Variants in CCDC18 observed in about 807,000 individuals in gnomAD.
CCDC18 encodes the protein coiled-coil domain containing 18.
CCDC18 carries 157 observed loss-of-function variants against 196.0 expected under a neutral mutation model. The ratio of observed to expected loss-of-function variants is 0.80; its 90% CI spans 0.70 to 0.91. The LOEUF (loss-of-function observed/expected upper bound fraction) is 0.91, where lower values mean the gene tolerates loss of function less well. CCDC18 is among the 40% of genes least tolerant of loss of function. CCDC18 has a pLI of 0.00. For synonymous variants in CCDC18, 482 were observed against 529.2 expected, an observed-to-expected ratio of 0.91 and a Z score of 1.22; for missense variants, 1,465 against 1,611.6, an observed-to-expected ratio of 0.91 and a Z score of 1.56.
intron 18 of CCDC18, among the ~76,000 whole-genome samples, chr1:93,235,937 A>T (rs1432360421): frequency 6.6e-6 from 1 of 152,206 alleles, no homozygotes; most frequent in Non-Finnish European, 1.5e-5. Flanking sequence ...AAGAAAAGAA[A>T]GGAGCAGTAT....
Position 93,270,409 on chromosome 1 carries a change from G to A in CCDC18, c.3948G>A (p.Lys1316=). 3.9e-6 allele frequency: 6 copies of A among 1,550,328 alleles called. No individual in the cohort carries two copies. The highest frequency in any genetic ancestry group is 5.2e-6 in the Non-Finnish European group (6 of 1,146,840). Residue 1316 remains lysine (K), a synonymous_variant, in exon 28 of 29, where the codon AAG becomes AAA. Transcript: ENST00000690025. ...GACATGAAAAGGCAGAAGACATCAA[G>A]TTTCTGCCAGCCCCATTTACATCTC... ...ISGHEKAEDI[K]FLPAPFTSPT...
intron 17 of CCDC18, among the ~76,000 whole-genome samples, chr1:93,229,494 C>T (rs1008440335): frequency 2.6e-5 from 4 of 152,108 alleles, no homozygotes; most frequent in African/African-American, 9.7e-5. Context: ...GCATCCATTC[C>T]GTTAATAATA....
chr1:93,248,847 C>T (rs533526673), intron 23 of CCDC18, among the ~76,000 whole-genome samples: 1 of 151,574 alleles, frequency 6.6e-6, no homozygotes, highest in South Asian at 2.1e-4. Flanking sequence ...GTGGCATGTG[C>T]CTGTAGTCCC....
chr1:93,209,150 GT>G (rs1164065702), intron 9 of CCDC18, among the ~76,000 whole-genome samples: 3 of 152,072 alleles, frequency 2.0e-5, no homozygotes. Context: ...TAGAGACAGG[GT>G]TTCTCCATGT....
chr1:93,193,860 T>A, intron 6 of CCDC18, 116 bp downstream of exon 6: 3 of 695,378 alleles, frequency 4.3e-6, no homozygotes, highest in South Asian at 2.5e-5. Flanking sequence ...GGCAATAAAT[T>A]AACTTAATGT....
At chr1:93,228,097 A>C (rs1658693448) in intron 17 of CCDC18, among the ~76,000 whole-genome samples, 1 of 151,908 alleles carries the variant, frequency 6.6e-6, no homozygotes, top group South Asian at 2.1e-4. Context: ...TTATACAGAG[A>C]ATTAGATACA....
intron 3 of CCDC18, among the ~76,000 whole-genome samples, chr1:93,184,717 G>A (rs1203127769): frequency 6.6e-6 from 1 of 151,336 alleles, no homozygotes; most frequent in Non-Finnish European, 1.5e-5. Flanking sequence ...TTGTTCCCCC[G>A]ACTCCCTACA....
Position 93,181,623 on chromosome 1 carries a change from C to CT in CCDC18, c.-3+781dup, listed in dbSNP as rs758209285. On this transcript the variant is annotated intron_variant, in intron 1 of 28. Coordinates refer to ENST00000690025, the MANE Select transcript of CCDC18 (RefSeq NM_001378204.1). ...CTGCAGAAGAGTTAGGGAGTTCTTT[C>CT]TTTTTTTTTTGAGACCGAGTCTCAC... is the stretch of plus-strand genomic sequence containing the variant. Among the ~76,000 whole-genome samples the CT allele has an allele frequency of 9.2e-4, 137 of 149,000 alleles. 2 individuals are homozygous for CT. Among genetic ancestry groups the CT allele is most frequent in the South Asian group, 2.6e-3 (12 of 4,696 alleles).
intron 11 of CCDC18, among the ~76,000 whole-genome samples, chr1:93,212,938 G>C (rs966108256): frequency 2.6e-5 from 4 of 152,148 alleles, no homozygotes; most frequent in Admixed American, 2.6e-4. Flanking sequence ...CCTGCAACTA[G>C]AAGGTTCCAT....
rs1447735366 is a variant in CCDC18, at chr1:93,204,088, GT to G, written c.796-1420del. On this transcript the variant is annotated intron_variant, in intron 7 of 28. Transcript: ENST00000690025. ...GAATGGAAGGGTAGAAAGAAGCTAA[GT>G]TAAGGTGAAGAAGCTGTGGTAAAGC... 1.9e-4 allele frequency among the ~76,000 whole-genome samples: 29 copies of G among 152,144 alleles called. 1 individual carries two copies. Among genetic ancestry groups the G allele is most frequent in the Admixed American group, 1.9e-3 (29 of 15,278 alleles).
At chr1:93,237,468 T>G (rs78853840) in intron 19 of CCDC18, among the ~76,000 whole-genome samples, 242 of 152,344 alleles carry the variant, frequency 1.6e-3, no homozygotes, top group African/African-American at 5.7e-3. Context: ...TCTGAAAGAC[T>G]TCTACTGTGC....
At chr1:93,182,474 G>A (rs754180368) in intron 1 of CCDC18, among the ~76,000 whole-genome samples, 4 of 152,200 alleles carry the variant, frequency 2.6e-5, no homozygotes, top group African/African-American at 4.8e-5. Context: ...AGATGCTACA[G>A]TGAAAAAGGT....
rs1489205041 is a variant in CCDC18 at position 93,230,077 on chromosome 1, G to A, written c.2293-2349G>A. 7.3e-5 allele frequency among the ~76,000 whole-genome samples: 11 copies of A among 151,202 alleles called. No individual in the cohort carries two copies. In the Admixed American group the frequency reaches 7.3e-4, roughly 10 times the overall value. On this transcript the variant is annotated intron_variant, in intron 17 of 28. Coordinates refer to ENST00000690025, the MANE Select transcript of CCDC18 (RefSeq NM_001378204.1). ...TGATACTAGATAAAGTTAAGTGTAA[G>A]GTAGATTTTATCATCTAAATTCTAC...
intron 23 of CCDC18, among the ~76,000 whole-genome samples, chr1:93,249,258 G>T (rs1661923987): frequency 6.6e-6 from 1 of 152,110 alleles, no homozygotes; most frequent in Non-Finnish European, 1.5e-5. Context: ...GTATGTAGTT[G>T]TTCATAACAG....
intron 26 of CCDC18, 155 bp from the exon 27 acceptor site, chr1:93,264,546 A>G: frequency 5.7e-6 from 3 of 524,716 alleles, no homozygotes; most frequent in Non-Finnish European, 1.0e-5. Context: ...TTTTTCCTCT[A>G]GTATTCATTG....
At chr1:93,197,303 AG>A (rs1652882127) in intron 6 of CCDC18, among the ~76,000 whole-genome samples, 1 of 152,176 alleles carries the variant, frequency 6.6e-6, no homozygotes, top group South Asian at 2.1e-4. Context: ...AAAGGAGAAA[AG>A]GCACAAGTGT....
chr1:93,246,214 T>C lies in CCDC18; in HGVS notation c.3081+10T>C. 6.4e-7 allele frequency: 1 copy of C among 1,571,238 alleles called. No homozygotes were observed. Among genetic ancestry groups the C allele is most frequent in the Non-Finnish European group, 8.7e-7 (1 of 1,154,720 alleles). ...GCAAAGAGCAGCTCAGGTTGATTTT[T>C]CTTGATTATATTTTAATGGAGTTTT... is the stretch of plus-strand genomic sequence containing the variant. On this transcript the variant is annotated intron_variant, in intron 22 of 28. Coordinates refer to ENST00000690025, the MANE Select transcript of CCDC18 (RefSeq NM_001378204.1).
intron 4 of CCDC18, 109 bp downstream of exon 4, chr1:93,186,612 G>T: frequency 1.3e-6 from 1 of 766,114 alleles, no homozygotes. Flanking sequence ...GTTATGGGAA[G>T]TAATTTTCAT....
intron 19 of CCDC18, among the ~76,000 whole-genome samples, chr1:93,237,995 A>G (rs1570511006): frequency 6.6e-6 from 1 of 152,178 alleles, no homozygotes; most frequent in Non-Finnish European, 1.5e-5. Context: ...GGTTATCATT[A>G]TATACATCAT....
Sources: allele counts gnomAD v4.1 joint callset (sites outside exome capture counted in the v4.1 genomes callset), GRCh38; gene constraint gnomAD v4.1.1; transcripts MANE v1.5; gene names NCBI Gene and HGNC (gene_info 2026-07-23, HGNC 2026-07-21).